The following RANBP2 variants were observed in gnomAD, a reference collection of about 807,000 sequenced individuals.
RANBP2 encodes RAN binding protein 2, also known as E3 SUMO-protein ligase RanBP2.
RANBP2 carries 57 observed loss-of-function variants against 303.6 expected under a neutral mutation model. The ratio of observed to expected loss-of-function variants is 0.19; its 90% CI spans 0.15 to 0.23. The LOEUF (loss-of-function observed/expected upper bound fraction) is 0.23, where lower values mean the gene tolerates loss of function less well. RANBP2 is among the 10% of genes least tolerant of loss of function. The pLI, the probability that RANBP2 is intolerant of heterozygous loss-of-function variation, is 1.00. For missense variants in RANBP2, 3,138 were observed against 3,780.8 expected (o/e 0.83, Z 4.46); for synonymous variants, 1,167 against 1,301.5 (o/e 0.90, Z 2.23).
the RANBP2 span, among the ~76,000 whole-genome samples, chr2:109,470,304 A>C: frequency 6.6e-6 from 1 of 152,178 alleles, no homozygotes; most frequent in African/African-American, 2.4e-5. Context: ...CCACATGTGA[A>C]ATCCATGCTT....
the RANBP2 span, among the ~76,000 whole-genome samples, chr2:108,911,730 G>A: frequency 6.6e-6 from 1 of 152,146 alleles, no homozygotes; most frequent in African/African-American, 2.4e-5. Flanking sequence ...GACTCTGATT[G>A]TCTTGAACTA....
chr2:109,350,414 G>A, the RANBP2 span, among the ~76,000 whole-genome samples: 1 of 152,306 alleles, frequency 6.6e-6, no homozygotes, highest in East Asian at 1.9e-4. Flanking sequence ...AATCCTGTGA[G>A]TTAATGTGGA....
the RANBP2 span, among the ~76,000 whole-genome samples, chr2:108,887,322 A>T: frequency 2.0e-5 from 3 of 152,180 alleles, no homozygotes; most frequent in Non-Finnish European, 4.4e-5. Context: ...TGTGATGCCT[A>T]CAGCTTTTGT....
At chr2:108,974,202 C>T in the RANBP2 span, among the ~76,000 whole-genome samples, 11 of 151,162 alleles carry the variant, frequency 7.3e-5, no homozygotes, top group African/African-American at 2.2e-4. Flanking sequence ...TGGTGGCAGG[C>T]GCCTGTAGTC....
the RANBP2 span, among the ~76,000 whole-genome samples, chr2:109,027,634 C>T: frequency 1.6e-4 from 25 of 152,206 alleles, no homozygotes; most frequent in East Asian, 3.9e-3. Flanking sequence ...TGGGCACTGA[C>T]GTGGACAAAG....
intron 1 of RANBP2, among the ~76,000 whole-genome samples, chr2:108,725,729 CA>C (rs760039984): frequency 6.8e-4 from 94 of 137,514 alleles, no homozygotes; most frequent in Admixed American, 7.4e-4. Flanking sequence ...GACTCCATCT[CA>C]AAAAAAAAAA....
At chr2:109,297,755 C>T in the RANBP2 span, among the ~76,000 whole-genome samples, 1 of 151,132 alleles carries the variant, frequency 6.6e-6, no homozygotes, top group African/African-American at 2.4e-5. Flanking sequence ...GTCCCTTATC[C>T]AGTCAGTGCC....
chr2:109,204,258 G>T, the RANBP2 span, among the ~76,000 whole-genome samples: 1 of 152,140 alleles, frequency 6.6e-6, no homozygotes, highest in Non-Finnish European at 1.5e-5. Context: ...CTTTGCTTAT[G>T]CCCTGTTGCT....
the RANBP2 span, among the ~76,000 whole-genome samples, chr2:109,215,848 A>G: frequency 6.6e-6 from 1 of 152,168 alleles, no homozygotes; most frequent in Non-Finnish European, 1.5e-5. Flanking sequence ...TTCTTCTGAC[A>G]TGGAAGCAGA....
the RANBP2 span, among the ~76,000 whole-genome samples, chr2:109,335,955 A>T: frequency 1.3e-5 from 2 of 152,218 alleles, no homozygotes; most frequent in African/African-American, 4.8e-5. Flanking sequence ...GGAGTGGGAT[A>T]TGTCGGTGAG....
chr2:109,045,462 G>C, the RANBP2 span, among the ~76,000 whole-genome samples: 6,652 of 152,312 alleles, frequency 0.044, 177 homozygotes, highest in Middle Eastern at 0.12. Context: ...ATCAAAGTCT[G>C]GTTTTCCACA....
chr2:109,249,554 TCC>T, the RANBP2 span, among the ~76,000 whole-genome samples: 1 of 136,558 alleles, frequency 7.3e-6, no homozygotes, highest in Non-Finnish European at 1.5e-5. Context: ...CTTCCTTCCT[TCC>T]TTCCTTCCTT....
At chr2:109,130,008 G>C in the RANBP2 span, 4 of 1,301,794 alleles carry the variant, frequency 3.1e-6, no homozygotes, top group Non-Finnish European at 3.9e-6. Context: ...GGGGCGGCGC[G>C]GCAGGCAGCA....
the RANBP2 span, chr2:108,896,431 T>G: frequency 6.4e-6 from 1 of 156,902 alleles, no homozygotes; most frequent in Non-Finnish European, 1.4e-5. Context: ...CGCTTAGAAC[T>G]TCTATTAACG....
chr2:109,620,158 T>G, the RANBP2 span, among the ~76,000 whole-genome samples: 6 of 152,206 alleles, frequency 3.9e-5, no homozygotes, highest in Non-Finnish European at 7.3e-5. Context: ...TTGAAGGTAC[T>G]CAGTAAGGGT....
At chr2:108,982,224 G>T in the RANBP2 span, among the ~76,000 whole-genome samples, 1 of 152,192 alleles carries the variant, frequency 6.6e-6, no homozygotes, top group African/African-American at 2.4e-5. Flanking sequence ...CTCTAACAAA[G>T]AAATGTTCCA....
At chr2:109,437,133 C>T in the RANBP2 span, 24 of 1,611,114 alleles carry the variant, frequency 1.5e-5, 1 homozygote, top group South Asian at 2.4e-4. Flanking sequence ...AAGCCCGGAG[C>T]ACCATTTCAA....
At chr2:109,204,373 T>C in the RANBP2 span, among the ~76,000 whole-genome samples, 62,668 of 152,102 alleles carry the variant, frequency 0.41, 15,173 homozygotes, top group East Asian at 0.8. Context: ...TATCTTATCT[T>C]TTAAATCATT....
At chr2:109,276,833 A>G in the RANBP2 span, among the ~76,000 whole-genome samples, 1 of 152,202 alleles carries the variant, frequency 6.6e-6, no homozygotes, top group Non-Finnish European at 1.5e-5. Flanking sequence ...GGGGCCTTAT[A>G]CAAACAATAT....
Sources: allele counts gnomAD v4.1 joint callset (sites outside exome capture counted in the v4.1 genomes callset), GRCh38; gene constraint gnomAD v4.1.1; transcripts MANE v1.5; gene names NCBI Gene and HGNC (gene_info 2026-07-23, HGNC 2026-07-21).